The following ITPR3 variants were observed in gnomAD, a reference collection of about 807,000 sequenced individuals.
ITPR3 encodes the protein inositol 1,4,5-trisphosphate receptor type 3.
ITPR3 carries 173 observed loss-of-function variants against 293.2 expected under a neutral mutation model. The ratio of observed to expected loss-of-function variants is 0.59; its 90% CI spans 0.52 to 0.67. The LOEUF (loss-of-function observed/expected upper bound fraction) is 0.67, where lower values mean the gene tolerates loss of function less well. ITPR3 is among the 30% of genes least tolerant of loss of function. The pLI is 0.00. For synonymous variants in ITPR3, 1,295 were observed against 1,444.4 expected (o/e 0.90, Z 2.35); for missense variants, 2,796 against 3,592.1 (o/e 0.78, Z 5.66).
intron 2 of ITPR3, among the ~76,000 whole-genome samples, chr6:33,646,202 C>T (rs1220805678): frequency 6.6e-6 from 1 of 152,012 alleles, no homozygotes; most frequent in Non-Finnish European, 1.5e-5. Context: ...TCTAGGATCC[C>T]CCACTCTACC....
Position 33,664,965 on chromosome 6 carries a change from T to C in ITPR3, c.1244T>C (p.Leu415Pro). 2.5e-6 allele frequency: 4 copies of C among 1,610,698 alleles called. No homozygotes were observed. Among genetic ancestry groups the C allele is most frequent in the Non-Finnish European group, 3.4e-6 (4 of 1,177,582 alleles). Reference protein sequence around the residue: ...IDIEEERPIRLMLGTCPTKED... With the variant: ...IDIEEERPIRPMLGTCPTKED... ...ATCGAGGAGGAGCGGCCCATCCGGCTCATGGTGCGTGTCCCTGGGGTGGGG... is the reference window on the plus strand; with the variant it reads ...ATCGAGGAGGAGCGGCCCATCCGGCCCATGGTGCGTGTCCCTGGGGTGGGG... The change falls in exon 12 of 58, where the codon CTC (leucine) becomes CCC (proline). Residue 415 changes from leucine to proline, a missense_variant. This residue lies in a region of ITPR3 where 955 missense variants were observed against 1,180.8 expected (regional missense o/e 0.81). Coordinates refer to ENST00000605930, the MANE Select transcript of ITPR3 (RefSeq NM_002224.4). The surrounding 1 kb of genome is among the most constrained non-coding windows in gnomAD (Gnocchi z 4.4).
At position 33,669,066 on chromosome 6, in the gene ITPR3, A is replaced by G; in HGVS notation, c.2099A>G (p.Asn700Ser). 6.2e-7 allele frequency: 1 copy of G among 1,614,238 alleles called. No homozygotes were observed. Among genetic ancestry groups the G allele is most frequent in the South Asian group, 1.1e-5 (1 of 91,086 alleles). The change falls in exon 18 of 58, where the codon AAT becomes AGT. Residue 700 changes from asparagine (N) to serine (S), a missense_variant. Physicochemically the swap from Asn to Ser is conservative, Grantham distance 46. This residue lies in a region of ITPR3 where 955 missense variants were observed against 1,180.8 expected (regional missense o/e 0.81). Transcript: ENST00000605930. ...EEVWLTWTDK[N>S]NEHHEKSVRQ... ...GTGTGGCTCACGTGGACTGACAAGAATAACGAGCATCATGAGAAGAGTGTG... is the reference window on the plus strand; with the variant it reads ...GTGTGGCTCACGTGGACTGACAAGAGTAACGAGCATCATGAGAAGAGTGTG...
intron 1 of ITPR3, among the ~76,000 whole-genome samples, chr6:33,639,535 C>A (rs187584104): frequency 6.6e-6 from 1 of 152,284 alleles, no homozygotes; most frequent in Admixed American, 6.5e-5. Context: ...TAAAAACAAG[C>A]CCCTTGCTGG....
At chr6:33,674,130 G>C (rs1764842417) in intron 23 of ITPR3, 78 bp from the exon 24 acceptor site, 1 of 1,526,404 alleles carries the variant, frequency 6.6e-7, no homozygotes, top group Admixed American at 1.8e-5. Context: ...GGAAGAGGGT[G>C]GTTTGAGTGT....
At position 33,692,311 on chromosome 6, in the gene ITPR3, T is replaced by C. The variant is rs1438344920; in HGVS notation, c.7458+383T>C. Among the ~76,000 whole-genome samples, 1 of 152,066 alleles carries C rather than the reference T, an allele frequency of 6.6e-6. No homozygotes were observed. Among genetic ancestry groups the C allele is most frequent in the Non-Finnish European group, 1.5e-5 (1 of 68,004 alleles). On this transcript the variant is annotated intron_variant, in intron 54 of 57. Transcript: ENST00000605930. This position sits in a 1 kb window ranked among gnomAD's most constrained non-coding sequence, Gnocchi z 4.2. Reference sequence around the variant, plus strand: ...CAGGCCTTCCCCTGTTGCTTGGGAGTGAGAGGCCGCCTCCCTGGCCAGACA... The same window carrying C: ...CAGGCCTTCCCCTGTTGCTTGGGAGCGAGAGGCCGCCTCCCTGGCCAGACA...
intron 3 of ITPR3, among the ~76,000 whole-genome samples, chr6:33,656,961 G>T (rs763405047): frequency 1.6e-4 from 25 of 152,326 alleles, no homozygotes; most frequent in Non-Finnish European, 2.9e-4. Context: ...CCTGGAATGG[G>T]GGCTGCAACA....
chr6:33,686,427 G>A lies in ITPR3; in HGVS notation c.5887G>A (p.Glu1963Lys). The change falls in exon 43 of 58, where the codon GAG becomes AAG. Residue 1963 changes from glutamate (E) to lysine (K), a missense_variant. Around this residue, in one of 8 missense-constraint regions of ITPR3, gnomAD observed 704 missense variants for 797.5 expected, o/e 0.88. Coordinates refer to ENST00000605930, the MANE Select transcript of ITPR3 (RefSeq NM_002224.4). ...HENQTCIVTHESNGIDIITAL... is the reference protein window; with the variant it reads ...HENQTCIVTHKSNGIDIITAL... ...CTGCCAGACTTGCATTGTGACTCAC[G>A]AGTCCAATGGCATAGACATCATCAC... The A allele has an allele frequency of 6.2e-7, 1 of 1,614,118 alleles. No individual in the cohort carries two copies. Among genetic ancestry groups the A allele is most frequent in the Non-Finnish European group, 8.5e-7 (1 of 1,179,916 alleles).
At position 33,696,456 on chromosome 6, in the gene ITPR3, G is replaced by A. The variant is rs928774545; in HGVS notation, c.*676G>A. ...AACAAGGGCTGAGCTGCGCTTGCGT[G>A]GCTGTTTCATGACCGCTTGTTTTTC... On this transcript the variant is annotated 3_prime_UTR_variant, in exon 58 of 58. Coordinates refer to ENST00000605930, the MANE Select transcript of ITPR3 (RefSeq NM_002224.4). The A allele has an allele frequency of 1.3e-5, 2 of 152,724 alleles. No individual in the cohort carries two copies. Among genetic ancestry groups the A allele is most frequent in the African/African-American group, 4.8e-5 (2 of 41,450 alleles). 9.5% of individuals were successfully genotyped at this position (152,724 alleles called of 1,614,324 possible).
chr6:33,694,703 G>GA, intron 56 of ITPR3: 1 of 553,986 alleles, frequency 1.8e-6, no homozygotes, highest in Admixed American at 3.4e-5. Flanking sequence ...CCTAACGGAA[G>GA]TCAGCCTGTC....
rs2229630 is a variant in ITPR3 at position 33,663,842 on chromosome 6, C to T, written c.1110C>T (p.Asp370=). The T allele has an allele frequency of 4.0e-4, 652 of 1,614,180 alleles. 5 individuals are homozygous for T. In the African/African-American group the frequency reaches 7.7e-3, roughly 19 times the overall value. The change falls in exon 11 of 58, where the codon GAC becomes GAT. Residue 370 remains aspartate (D), a synonymous_variant. Coordinates refer to ENST00000605930, the MANE Select transcript of ITPR3 (RefSeq NM_002224.4). The stretch of plus-strand genomic sequence containing the variant: ...ACATCGCCTCTCTCTTTGAGCTGGA[C>T]CCCACCACCTTGCAGAAAACCGACT... ...GNDIASLFEL[D]PTTLQKTDSF... is the part of the protein sequence containing the mutation.
At position 33,638,545 on chromosome 6, in the gene ITPR3, G is replaced by C. The variant is rs1763876223; in HGVS notation, c.90-1939G>C. ...AAATTCATGCCATTTCATCTTTATT[G>C]CTTCCGATCTATTTCAGGAACTGCA... On this transcript the variant is annotated intron_variant, in intron 1 of 57. Transcript: ENST00000605930. This position sits in a 1 kb window ranked among gnomAD's most constrained non-coding sequence, Gnocchi z 4.3. Among the ~76,000 whole-genome samples the C allele has an allele frequency of 6.6e-6, 1 of 152,174 alleles. No homozygotes were observed.
At chr6:33,644,280 C>A (rs1030525084) in intron 2 of ITPR3, among the ~76,000 whole-genome samples, 4 of 147,016 alleles carry the variant, frequency 2.7e-5, no homozygotes, top group Non-Finnish European at 6.0e-5. Context: ...TATTTCAGAT[C>A]TTTTTACTTT....
At chr6:33,623,972 AC>A (rs1215278975) in intron 1 of ITPR3, among the ~76,000 whole-genome samples, 1 of 151,968 alleles carries the variant, frequency 6.6e-6, no homozygotes, top group African/African-American at 2.4e-5. Context: ...CATACCTGGA[AC>A]TCCAGGTGCA....
intron 21 of ITPR3, 114 bp from the exon 22 acceptor site, chr6:33,671,915 C>T (rs2127286028): frequency 9.6e-7 from 1 of 1,044,596 alleles, no homozygotes; most frequent in East Asian, 2.5e-5. Flanking sequence ...AAGGCTTTGC[C>T]CTGCAGCTGA....
At chr6:33,662,443 C>T in intron 7 of ITPR3, 85 bp from the exon 8 acceptor site, 1 of 1,467,112 alleles carries the variant, frequency 6.8e-7, no homozygotes, top group Non-Finnish European at 9.1e-7. Context: ...CCAACCCTGT[C>T]TGAGGCAGGT....
intron 1 of ITPR3, among the ~76,000 whole-genome samples, chr6:33,639,715 TG>T (rs1257029528): frequency 6.6e-6 from 1 of 151,800 alleles, no homozygotes; most frequent in Non-Finnish European, 1.5e-5. Flanking sequence ...GGTGGATGGA[TG>T]GGTGCATGGG....
chr6:33,665,391 T>C (rs1247056028), intron 13 of ITPR3, among the ~76,000 whole-genome samples, 178 bp downstream of exon 13: 1 of 152,150 alleles, frequency 6.6e-6, no homozygotes, highest in Non-Finnish European at 1.5e-5. Flanking sequence ...ACGGCTTAGG[T>C]ACTCCCAGAA....
chr6:33,689,633 G>C (rs1341279808), intron 50 of ITPR3, among the ~76,000 whole-genome samples: 2 of 152,260 alleles, frequency 1.3e-5, no homozygotes, highest in Non-Finnish European at 2.9e-5. Flanking sequence ...AAATTCAAGA[G>C]TCCCTTTGGA....
At chr6:33,665,021 C>G in intron 12 of ITPR3, 32 bp from the exon 13 acceptor site, 1 of 1,613,560 alleles carries the variant, frequency 6.2e-7, no homozygotes, top group Non-Finnish European at 8.5e-7. Flanking sequence ...GGAGCTTGTT[C>G]CCAGGTGCCC....
Sources: gnomAD v4.1 joint callset for allele counts (sites outside exome capture counted in the v4.1 genomes callset) on GRCh38, gnomAD v4.1.1 for gene constraint, gnomAD v4.1.1 regional missense constraint, Gnocchi (gnomAD v3.1) non-coding constraint, MANE v1.5 for transcripts, NCBI Gene and HGNC (gene_info 2026-07-23, HGNC 2026-07-21) for gene names.